The following PGR variants were observed in gnomAD, a reference collection of about 807,000 sequenced individuals.
PGR encodes nuclear receptor subfamily 3 group C member 3.
Under a neutral mutation model 76.1 loss-of-function variants are expected in PGR, and 25 were observed. That is an observed-to-expected ratio of 0.33 (90% CI 0.24 to 0.46). The LOEUF (loss-of-function observed/expected upper bound fraction) is 0.46. Ranked by LOEUF, PGR falls within the 20% of genes least tolerant of loss-of-function variation. The probability of loss-of-function intolerance (pLI) is 1.00; values close to 1 mark genes in which losing one functional copy is unlikely to be tolerated. For missense variants in PGR, 1,172 were observed against 1,225.3 expected (o/e 0.96, Z 0.65); for synonymous variants, 579 against 535.0 (o/e 1.08, Z -1.14).
intron 2 of PGR, among the ~76,000 whole-genome samples, chr11:101,111,169 G>A (rs1862330873): frequency 6.6e-6 from 1 of 152,150 alleles, no homozygotes; most frequent in Non-Finnish European, 1.5e-5. Flanking sequence ...TACATATAAT[G>A]TGTCTACTAT....
In PGR at chr11:101,127,770, G is replaced by C. The variant is rs752525568; in HGVS notation, c.1301C>G (p.Pro434Arg). The C allele has an allele frequency of 7.4e-5, 115 of 1,562,962 alleles. No homozygotes were observed. The highest frequency in any genetic ancestry group is 6.1e-4 in the Admixed American group (33 of 53,746). Residue 434 changes from proline to arginine, a missense_variant, in exon 1 of 8, where the codon CCC becomes CGC. Coordinates refer to ENST00000325455, the MANE Select transcript of PGR (RefSeq NM_000926.4). ...PLPPRATPSR[P>R]GEAAVTAAPA... ...TGCGGCCGTCACCGCCGCTTCCCCG[G>C]GTCTGGATGGGGTCGCTCGCGGCGG...
At chr11:101,052,329 G>T (rs1316973747) in intron 4 of PGR, among the ~76,000 whole-genome samples, 1 of 146,764 alleles carries the variant, frequency 6.8e-6, no homozygotes, top group Non-Finnish European at 1.5e-5. Flanking sequence ...GTATTGGGGG[G>T]TATGGTGTGA....
intron 3 of PGR, among the ~76,000 whole-genome samples, chr11:101,081,467 T>C (rs1259409316): frequency 6.7e-6 from 1 of 149,102 alleles, no homozygotes; most frequent in Non-Finnish European, 1.5e-5. Context: ...GTCACCAGAA[T>C]GTTCAAAGGC....
chr11:101,030,106 A>G lies in PGR; in HGVS notation c.*9010T>C, dbSNP rs1859302713. 2 of 219,130 alleles carry G rather than the reference A, an allele frequency of 9.1e-6. No homozygotes were observed. The highest frequency in any genetic ancestry group is 6.7e-5 in the East Asian group (1 of 14,816). The allele number at this position is 219,130 out of a possible 1,614,324, so 13.6% of individuals were successfully genotyped here. ...TATGGGGCTAAATATCTTTAAAAGT[A>G]TAACTCTGGACAATGTACTTAGGGA... is the stretch of plus-strand genomic sequence containing the variant. On this transcript the variant is annotated 3_prime_UTR_variant, in exon 8 of 8. Coordinates refer to ENST00000325455, the MANE Select transcript of PGR (RefSeq NM_000926.4).
intron 2 of PGR, among the ~76,000 whole-genome samples, chr11:101,110,088 C>T (rs1402861345): frequency 1.3e-5 from 2 of 152,116 alleles, no homozygotes; most frequent in African/African-American, 4.8e-5. Context: ...AAAAAAAATT[C>T]CCATGAGCTC....
At chr11:101,047,442 A>C (rs1859929569) in intron 6 of PGR, among the ~76,000 whole-genome samples, 1 of 152,138 alleles carries the variant, frequency 6.6e-6, no homozygotes, top group African/African-American at 2.4e-5. Context: ...CCTTTGTTCA[A>C]TTGATGCTCT....
At position 101,062,408 on chromosome 11, in the gene PGR, TA is replaced by T. The variant is rs769973520; in HGVS notation, c.2212+38del. The T allele has an allele frequency of 1.8e-5, 26 of 1,432,106 alleles. No homozygotes were observed. In the South Asian group the frequency reaches 2.1e-4, roughly 11 times the overall value. 88.7% of individuals were successfully genotyped at this position (1,432,106 alleles called of 1,614,324 possible). A position where few individuals can be genotyped will look rare whatever the true frequency, so the allele number is the denominator to read the frequency against. ...ATGTACTAATACAACAAACATAGTATATTTTTTATTACATGCTGTATATAAA... is the reference window on the plus strand; with the variant it reads ...ATGTACTAATACAACAAACATAGTATTTTTTTATTACATGCTGTATATAAA... On this transcript the variant is annotated intron_variant, in intron 4 of 7. Transcript: ENST00000325455.
At chr11:101,045,160 A>G (rs1859827240) in intron 6 of PGR, among the ~76,000 whole-genome samples, 1 of 152,158 alleles carries the variant, frequency 6.6e-6, no homozygotes, top group Non-Finnish European at 1.5e-5. Flanking sequence ...AAAACAAATA[A>G]GTTAATTCTT....
At chr11:101,087,643 A>G (rs942977386) in intron 3 of PGR, among the ~76,000 whole-genome samples, 1 of 152,138 alleles carries the variant, frequency 6.6e-6, no homozygotes, top group Admixed American at 6.5e-5. Flanking sequence ...GAGTTAACAG[A>G]CAACCAACAG....
Position 101,127,514 on chromosome 11 carries a change from C to A in PGR, c.1557G>T (p.Gly519=). 1 of 1,537,138 alleles carries A rather than the reference C, an allele frequency of 6.5e-7. No individual in the cohort carries two copies. Among genetic ancestry groups the A allele is most frequent in the East Asian group, 2.6e-5 (1 of 38,278 alleles). The change falls in exon 1 of 8, where the codon GGG becomes GGT. Residue 519 remains glycine, a synonymous_variant. Coordinates refer to ENST00000325455, the MANE Select transcript of PGR (RefSeq NM_000926.4). ...PALYPALGLN[G]LPQLGYQAAV... ...CGGCCTGGTAGCCGAGCTGCGGGAG[C>A]CCGTTGAGGCCGAGTGCAGGGTAGA...
intron 2 of PGR, among the ~76,000 whole-genome samples, chr11:101,121,989 C>T (rs1862692564): frequency 6.6e-6 from 1 of 151,840 alleles, no homozygotes; most frequent in African/African-American, 2.4e-5. Flanking sequence ...CCCATCTCTA[C>T]TAAAAAATAC....
Position 101,128,687 on chromosome 11 carries a change from T to A in PGR, c.384A>T (p.Gln128His). The change falls in exon 1 of 8, where the codon CAA (glutamine) becomes CAT (histidine). Residue 128 changes from glutamine to histidine, a missense_variant. Physicochemically the swap from Gln to His is conservative, Grantham distance 24 (BLOSUM62 0). Coordinates refer to ENST00000325455, the MANE Select transcript of PGR (RefSeq NM_000926.4). ...LLAPSGPGQSQPSPPACEVTS... is the reference protein window; with the variant it reads ...LLAPSGPGQSHPSPPACEVTS... ...TGACCTCGCAGGCGGGAGGGCTGGGTTGGCTCTGCCCGGGACCTGAGGGCG... is the reference window on the plus strand; with the variant it reads ...TGACCTCGCAGGCGGGAGGGCTGGGATGGCTCTGCCCGGGACCTGAGGGCG... The A allele has an allele frequency of 6.2e-7, 1 of 1,602,260 alleles. No individual in the cohort carries two copies. The highest frequency in any genetic ancestry group is 1.7e-4 in the Middle Eastern group (1 of 6,048).
chr11:101,119,746 G>A (rs1276726646), intron 2 of PGR, among the ~76,000 whole-genome samples: 1 of 152,166 alleles, frequency 6.6e-6, no homozygotes, highest in Non-Finnish European at 1.5e-5. Flanking sequence ...GAGTTAAGGA[G>A]CACAATTTGA....
chr11:101,047,961 A>G lies in PGR; in HGVS notation c.2488+1968T>C, dbSNP rs187745035. 7.6e-4 allele frequency among the ~76,000 whole-genome samples: 115 copies of G among 152,252 alleles called. No individual in the cohort carries two copies. In the Middle Eastern group the frequency reaches 0.014, roughly 18 times the overall value. ...CTCTTTCTTCTGGGCCTATAGCTAGACTGTATTTCCCAGCTTTTCCTGCAG... is the reference window on the plus strand; with the variant it reads ...CTCTTTCTTCTGGGCCTATAGCTAGGCTGTATTTCCCAGCTTTTCCTGCAG... On this transcript the variant is annotated intron_variant, in intron 6 of 7. Transcript: ENST00000325455.
At chr11:101,046,467 G>C (rs1181207285) in intron 6 of PGR, among the ~76,000 whole-genome samples, 4 of 151,582 alleles carry the variant, frequency 2.6e-5, no homozygotes, top group Non-Finnish European at 5.9e-5. Context: ...TAATTTTGGA[G>C]AGAACAATGT....
intron 2 of PGR, among the ~76,000 whole-genome samples, chr11:101,114,338 G>A (rs980035734): frequency 6.6e-6 from 1 of 152,104 alleles, no homozygotes; most frequent in African/African-American, 2.4e-5. Context: ...GCACAAAACG[G>A]CATTATTTTT....
intron 2 of PGR, among the ~76,000 whole-genome samples, chr11:101,120,275 G>C (rs1862634974): frequency 6.6e-6 from 1 of 152,164 alleles, no homozygotes. Flanking sequence ...TTCATCTTCA[G>C]TCCCAGCACA....
chr11:101,057,113 C>A (rs1371903937), intron 4 of PGR, among the ~76,000 whole-genome samples: 1 of 152,076 alleles, frequency 6.6e-6, no homozygotes, highest in Non-Finnish European at 1.5e-5. Flanking sequence ...AAGTAGAACA[C>A]AATTGTAACT....
At chr11:101,087,207 C>G (rs1861527272) in intron 3 of PGR, among the ~76,000 whole-genome samples, 1 of 152,162 alleles carries the variant, frequency 6.6e-6, no homozygotes, top group Non-Finnish European at 1.5e-5. Context: ...GTAACCAAAA[C>G]AGCATGATAC....
Sources: allele counts gnomAD v4.1 joint callset (sites outside exome capture counted in the v4.1 genomes callset), GRCh38; gene constraint gnomAD v4.1.1; transcripts MANE v1.5; gene names NCBI Gene and HGNC (gene_info 2026-07-23, HGNC 2026-07-21).